The following HADHB variants were observed in gnomAD, a reference collection of about 807,000 sequenced individuals.
The protein encoded by HADHB is hydroxyacyl-CoA dehydrogenase trifunctional multienzyme complex subunit beta, also known as trifunctional enzyme subunit beta, mitochondrial.
HADHB carries 50 observed loss-of-function variants against 61.9 expected under a neutral mutation model. That is an observed-to-expected ratio of 0.81 (90% CI 0.64 to 1.02). The LOEUF is 1.02. Ranked by LOEUF, HADHB falls within the 50% of genes least tolerant of loss-of-function variation. The pLI is 0.00. For synonymous variants in HADHB, 191 were observed against 201.6 expected, an observed-to-expected ratio of 0.95 and a Z score of 0.45; for missense variants, 504 against 586.5, an observed-to-expected ratio of 0.86 and a Z score of 1.45.
intron 3 of HADHB, among the ~76,000 whole-genome samples, chr2:26,262,937 T>G (rs1671920941): frequency 6.6e-6 from 1 of 151,734 alleles, no homozygotes; most frequent in South Asian, 2.1e-4. Context: ...AAAATTAAAG[T>G]GGTTTAGTAA....
At chr2:26,283,713 TTCCTAATATAGCCTTTTATAAAAGCC>T (rs1251966794) in intron 12 of HADHB, among the ~76,000 whole-genome samples, 1 of 152,134 alleles carries the variant, frequency 6.6e-6, no homozygotes, top group Non-Finnish European at 1.5e-5. Flanking sequence ...CTACACAATC[TTCCTAATATAGCCTTTTATAAAAGCC>T]TCCCCATGTT....
intron 4 of HADHB, 36 bp downstream of exon 4, chr2:26,263,515 T>G: frequency 2.4e-6 from 3 of 1,271,788 alleles, no homozygotes; most frequent in Non-Finnish European, 3.5e-6. Flanking sequence ...TTTTTCCTTC[T>G]TTTAAGACAC....
At chr2:26,251,073 A>C (rs1437098124) in intron 1 of HADHB, among the ~76,000 whole-genome samples, 1 of 151,238 alleles carries the variant, frequency 6.6e-6, no homozygotes, top group Non-Finnish European at 1.5e-5. Flanking sequence ...TATACACTAA[A>C]TTCTTACATA....
rs776350478 is a variant in HADHB at position 26,284,223 on chromosome 2, A to T, written c.1149+19A>T. On this transcript the variant is annotated intron_variant, in intron 13 of 15. Transcript: ENST00000317799. ...TTTCTCGGTAAGTAATTTGAAAGAC[A>T]CATATGAAGGGACTATAGTCATAAA... 5.7e-6 allele frequency: 7 copies of T among 1,226,776 alleles called. No individual in the cohort carries two copies. The highest frequency in any genetic ancestry group is 8.5e-6 in the Non-Finnish European group (7 of 826,784). The allele number at this position is 1,226,776 out of a possible 1,614,324, so 76.0% of individuals were successfully genotyped here. A position where few individuals can be genotyped will look rare whatever the true frequency, so the allele number is the denominator to read the frequency against.
intron 1 of HADHB, among the ~76,000 whole-genome samples, chr2:26,247,268 T>G (rs1420374939): frequency 6.6e-6 from 1 of 152,224 alleles, no homozygotes; most frequent in Admixed American, 6.5e-5. Flanking sequence ...TTCCATGCTT[T>G]GAATATTTTT....
chr2:26,254,546 G>A, intron 3 of HADHB, 72 bp downstream of exon 3: 2 of 1,040,728 alleles, frequency 1.9e-6, no homozygotes, highest in Admixed American at 3.5e-5. Context: ...TGTGAACTCT[G>A]AATAAAAACC....
At chr2:26,255,541 G>C (rs1671575207) in intron 3 of HADHB, among the ~76,000 whole-genome samples, 1 of 151,314 alleles carries the variant, frequency 6.6e-6, no homozygotes, top group African/African-American at 2.4e-5. Context: ...CCTGGGATTT[G>C]GTTCCCAGGA....
chr2:26,280,838 G>A (rs1348153953), intron 10 of HADHB, among the ~76,000 whole-genome samples: 1 of 107,426 alleles, frequency 9.3e-6, no homozygotes, highest in Non-Finnish European at 1.7e-5. Flanking sequence ...CTGCACAAGA[G>A]CGAAACTCCC....
intron 3 of HADHB, 91 bp from the exon 4 acceptor site, chr2:26,263,289 A>G: frequency 1.3e-6 from 1 of 752,512 alleles, no homozygotes; most frequent in Non-Finnish European, 2.2e-6. Flanking sequence ...ACAGAGCGAG[A>G]CTCCATCTTA....
rs372076341 is a variant in HADHB at position 26,257,943 on chromosome 2, C to G, written c.109+3469C>G. Reference sequence around the variant, plus strand: ...CTGAGGCAGAAGCATGGTGTGAACCCTGGAGGCAGAGCTTGCAGTGAGCCG... The same window carrying G: ...CTGAGGCAGAAGCATGGTGTGAACCGTGGAGGCAGAGCTTGCAGTGAGCCG... On this transcript the variant is annotated intron_variant, in intron 3 of 15. Transcript: ENST00000317799. Among the ~76,000 whole-genome samples the G allele has an allele frequency of 8.5e-5, 13 of 152,138 alleles. No individual in the cohort carries two copies. The East Asian group carries it at 2.3e-3, about 27-fold the overall frequency.
At chr2:26,257,808 A>C (rs1323675960) in intron 3 of HADHB, among the ~76,000 whole-genome samples, 1 of 151,896 alleles carries the variant, frequency 6.6e-6, no homozygotes, top group Non-Finnish European at 1.5e-5. Context: ...TCACGAGGTC[A>C]AGAGATGGAG....
chr2:26,252,204 T>G (rs902454781), intron 1 of HADHB, among the ~76,000 whole-genome samples: 2 of 152,200 alleles, frequency 1.3e-5, no homozygotes, highest in African/African-American at 4.8e-5. Flanking sequence ...ATCTCAGAAG[T>G]GGCATACCAT....
intron 3 of HADHB, among the ~76,000 whole-genome samples, chr2:26,257,924 C>T (rs1390313081): frequency 1.3e-5 from 2 of 151,938 alleles, no homozygotes; most frequent in South Asian, 2.1e-4. Flanking sequence ...GAGGCTGAGG[C>T]AGAAGCATGG....
intron 6 of HADHB, among the ~76,000 whole-genome samples, chr2:26,275,962 C>T (rs1337276920): frequency 6.6e-6 from 1 of 152,048 alleles, no homozygotes; most frequent in Non-Finnish European, 1.5e-5. Flanking sequence ...AAAATGAATT[C>T]CCTATAATGG....
chr2:26,266,303 TAGAG>T (rs1672074301), intron 4 of HADHB, among the ~76,000 whole-genome samples: 2 of 151,878 alleles, frequency 1.3e-5, no homozygotes, highest in Admixed American at 1.3e-4. Flanking sequence ...AATAATAACA[TAGAG>T]GGAAAATGTA....
intron 7 of HADHB, 73 bp downstream of exon 7, chr2:26,277,233 CTTT>C (rs34696184): frequency 0.054 from 23,108 of 427,360 alleles, 2 homozygotes; most frequent in South Asian, 0.065. Flanking sequence ...TAAAAATGTA[CTTT>C]TTTTTTTTTT....
At chr2:26,250,701 G>C (rs937411959) in intron 1 of HADHB, among the ~76,000 whole-genome samples, 3 of 149,910 alleles carry the variant, frequency 2.0e-5, no homozygotes, top group Admixed American at 2.0e-4. Flanking sequence ...TGTGCCTGTA[G>C]TCTAAGCTAC....
chr2:26,266,871 C>CAAAA lies in HADHB; in HGVS notation c.210-3062_210-3059dup, dbSNP rs56401595. Among the ~76,000 whole-genome samples the CAAAA allele has an allele frequency of 8.8e-5, 4 of 45,420 alleles. 1 individual carries two copies. The highest frequency in any genetic ancestry group is 3.0e-4 in the African/African-American group (3 of 10,128). The allele number at this position is 45,420 out of a possible 152,430, so 29.8% of individuals were successfully genotyped here. A position where few individuals can be genotyped will look rare whatever the true frequency, so the allele number is the denominator to read the frequency against. On this transcript the variant is annotated intron_variant, in intron 4 of 15. Coordinates refer to ENST00000317799, the MANE Select transcript of HADHB (RefSeq NM_000183.3). Reference sequence around the variant, plus strand: ...GGTGATGGAGTGAGACACTCTCTCTCAAAAAAAAAAAAAAAAAAAAAAAGG... The same window carrying CAAAA: ...GGTGATGGAGTGAGACACTCTCTCTCAAAAAAAAAAAAAAAAAAAAAAAAAAAGG...
At chr2:26,271,751 C>T (rs1223892687) in intron 5 of HADHB, among the ~76,000 whole-genome samples, 2 of 151,962 alleles carry the variant, frequency 1.3e-5, no homozygotes, top group Admixed American at 6.6e-5. Flanking sequence ...TTGAGACCAG[C>T]CTAAGCAACA....
Sources: gnomAD v4.1 joint callset for allele counts (sites outside exome capture counted in the v4.1 genomes callset) on GRCh38, gnomAD v4.1.1 for gene constraint, MANE v1.5 for transcripts, NCBI Gene and HGNC (gene_info 2026-07-23, HGNC 2026-07-21) for gene names.